CUX1: variants seen among roughly 807,000 people sequenced by gnomAD.
CUX1 encodes the protein protein CASP.
A neutral mutation model predicts 158.8 loss-of-function variants in CUX1; 31 were observed. The ratio of observed to expected loss-of-function variants is 0.20; its 90% CI spans 0.15 to 0.26. The LOEUF (loss-of-function observed/expected upper bound fraction) is 0.26. Ranked by LOEUF, CUX1 falls within the 10% of genes least tolerant of loss-of-function variation. The pLI, the probability that CUX1 is intolerant of heterozygous loss-of-function variation, is 1.00. For synonymous variants in CUX1, 879 were observed against 862.1 expected (o/e 1.02, Z -0.34); for missense variants, 1,589 against 2,014.6 (o/e 0.79, Z 4.04).
intron 1 of CUX1, among the ~76,000 whole-genome samples, chr7:101,883,383 G>A (rs1249797043): frequency 6.6e-6 from 1 of 152,100 alleles, no homozygotes; most frequent in South Asian, 2.1e-4. Flanking sequence ...GCTTGCCTGA[G>A]ATTTTCATCA....
At chr7:102,224,818 C>G (rs565408957) in intron 20 of CUX1, among the ~76,000 whole-genome samples, 1 of 152,256 alleles carries the variant, frequency 6.6e-6, no homozygotes, top group African/African-American at 2.4e-5. Context: ...CCACAGCAGC[C>G]GGCACCACAC....
chr7:101,950,018 G>T (rs1291205608), intron 2 of CUX1, among the ~76,000 whole-genome samples: 1 of 151,750 alleles, frequency 6.6e-6, no homozygotes, highest in Non-Finnish European at 1.5e-5. Context: ...AGTACAAGCT[G>T]CTTCTTTGAG....
intron 17 of CUX1, chr7:102,277,931 T>TTGCGG: frequency 1.3e-6 from 1 of 756,992 alleles, no homozygotes; most frequent in Non-Finnish European, 2.0e-6. Context: ...ACCCCTTTCC[T>TTGCGG]TGCCCCTCCC....
At chr7:101,873,163 G>A (rs1027692455) in intron 1 of CUX1, among the ~76,000 whole-genome samples, 22 of 148,498 alleles carry the variant, frequency 1.5e-4, no homozygotes, top group Middle Eastern at 3.7e-3. Context: ...GAGCCACCGC[G>A]CCTGGCCTCA....
At chr7:102,106,876 C>G (rs147181265) in intron 6 of CUX1, among the ~76,000 whole-genome samples, 154 of 152,280 alleles carry the variant, frequency 1.0e-3, no homozygotes, top group Non-Finnish European at 1.8e-3. Flanking sequence ...CTTTGGGGCT[C>G]GCCTGCCCTG....
In CUX1 at chr7:101,996,930, G is replaced by A. The variant is rs558663164; in HGVS notation, c.142-31168G>A. ...ACAGTGGCCTTTGTTAGGAAATTCCGGCACAGTCTCCTCACAGGGCAGCCC... is the reference window on the plus strand; with the variant it reads ...ACAGTGGCCTTTGTTAGGAAATTCCAGCACAGTCTCCTCACAGGGCAGCCC... On this transcript the variant is annotated intron_variant, in intron 2 of 23. Coordinates refer to ENST00000292535, the MANE Select transcript of CUX1 (RefSeq NM_181552.4). 4.0e-5 allele frequency among the ~76,000 whole-genome samples: 6 copies of A among 151,564 alleles called. No individual in the cohort carries two copies. The East Asian group carries it at 7.7e-4, about 20-fold the overall frequency.
intron 11 of CUX1, among the ~76,000 whole-genome samples, 176 bp downstream of exon 11, chr7:102,178,833 A>G (rs61170107): frequency 0.12 from 18,491 of 152,120 alleles, 2,230 homozygotes; most frequent in African/African-American, 0.31. Flanking sequence ...ACTGGATGTT[A>G]AACCCTGGCA....
intron 2 of CUX1, among the ~76,000 whole-genome samples, chr7:101,925,411 A>T (rs62463738): frequency 6.6e-6 from 1 of 152,078 alleles, no homozygotes. Flanking sequence ...GTGCCTGGCC[A>T]AAAGTAGATT....
intron 2 of CUX1, among the ~76,000 whole-genome samples, chr7:101,963,628 G>A (rs978612351): frequency 3.3e-5 from 5 of 152,064 alleles, no homozygotes; most frequent in African/African-American, 1.2e-4. Context: ...CAATTACTTA[G>A]TACCTGTCAA....
intron 8 of CUX1, among the ~76,000 whole-genome samples, chr7:102,147,067 A>C (rs1481977819): frequency 6.6e-6 from 1 of 152,126 alleles, no homozygotes; most frequent in Admixed American, 6.6e-5. Context: ...CTATTTCCAG[A>C]AGGTTATCTG....
chr7:102,199,991 A>C, intron 16 of CUX1, 80 bp from the exon 17 acceptor site: 1 of 1,239,556 alleles, frequency 8.1e-7, no homozygotes, highest in Non-Finnish European at 1.1e-6. Context: ...GGGGCTATAT[A>C]TCAGAATGAC....
rs1181478863 is a variant in CUX1, at chr7:102,174,277, C to G, written c.828+3727C>G. Among the ~76,000 whole-genome samples, 15 of 152,288 alleles carry G rather than the reference C, an allele frequency of 9.8e-5. No individual in the cohort carries two copies. The East Asian group carries it at 2.9e-3, about 30-fold the overall frequency. Reference sequence around the variant, plus strand: ...GGGATTACAGGTGTGCGCCACCATACCTGGCTAGTTTTTGTATTTTTGCTA... The same window carrying G: ...GGGATTACAGGTGTGCGCCACCATAGCTGGCTAGTTTTTGTATTTTTGCTA... On this transcript the variant is annotated intron_variant, in intron 10 of 23. Coordinates refer to ENST00000292535, the MANE Select transcript of CUX1 (RefSeq NM_181552.4).
At chr7:101,924,090 T>G (rs1805300080) in intron 2 of CUX1, among the ~76,000 whole-genome samples, 1 of 152,138 alleles carries the variant, frequency 6.6e-6, no homozygotes, top group Admixed American at 6.5e-5. Flanking sequence ...TCCCTCCTTT[T>G]TATTGATCAG....
chr7:102,003,828 C>T (rs1195051193), intron 2 of CUX1, among the ~76,000 whole-genome samples: 1 of 152,166 alleles, frequency 6.6e-6, no homozygotes, highest in Non-Finnish European at 1.5e-5. Context: ...TCCTTGAATA[C>T]TCATAGTCCG....
chr7:102,270,093 C>A (rs113512065), intron 14 of CUX1, among the ~76,000 whole-genome samples: 3 of 152,248 alleles, frequency 2.0e-5, no homozygotes, highest in Non-Finnish European at 4.4e-5. Flanking sequence ...GAGCCCTGTA[C>A]TCCAGAGGTT....
At chr7:101,918,376 C>T (rs567558288) in intron 2 of CUX1, among the ~76,000 whole-genome samples, 3 of 152,352 alleles carry the variant, frequency 2.0e-5, no homozygotes, top group Admixed American at 6.5e-5. Context: ...CTTGGGGAGG[C>T]GGCAGCCTGG....
In CUX1 at chr7:102,256,599, TGA is replaced by T. The variant is rs1554542118; in HGVS notation, c.*7561_*7562del. ...GTCTCTATGTGTCTAACTTTTTAAA[TGA>T]GAGTGTTTATGAACAAAAAAATTTA... On this transcript the variant is annotated 3_prime_UTR_variant, in exon 24 of 24. Transcript: ENST00000292535. 1.0e-6 allele frequency: 1 copy of T among 983,854 alleles called. No homozygotes were observed. Among genetic ancestry groups the T allele is most frequent in the African/African-American group, 1.7e-5 (1 of 57,170 alleles). The allele number at this position is 983,854 out of a possible 1,614,324, so 60.9% of individuals were successfully genotyped here. A position where few individuals can be genotyped will look rare whatever the true frequency, so the allele number is the denominator to read the frequency against.
chr7:101,824,078 A>C (rs774334212), intron 1 of CUX1, among the ~76,000 whole-genome samples: 16 of 152,180 alleles, frequency 1.1e-4, no homozygotes, highest in Non-Finnish European at 1.9e-4. Flanking sequence ...AGACAGAACG[A>C]ATATCAACTC....
At position 102,080,930 on chromosome 7, in the gene CUX1, C is replaced by G. The variant is rs376758093; in HGVS notation, c.268+10513C>G. 3.9e-5 allele frequency among the ~76,000 whole-genome samples: 6 copies of G among 152,212 alleles called. No homozygotes were observed. In the East Asian group the frequency reaches 7.7e-4, roughly 20 times the overall value. On this transcript the variant is annotated intron_variant, in intron 4 of 23. Coordinates refer to ENST00000292535, the MANE Select transcript of CUX1 (RefSeq NM_181552.4). ...CCCCGACCTTAGATCCCACTGCGCACGCCAGATATGCTGTTTCATTCCTTC... is the reference window on the plus strand; with the variant it reads ...CCCCGACCTTAGATCCCACTGCGCAGGCCAGATATGCTGTTTCATTCCTTC...
Sources: gnomAD v4.1 joint callset for allele counts (sites outside exome capture counted in the v4.1 genomes callset) on GRCh38, gnomAD v4.1.1 for gene constraint, MANE v1.5 for transcripts, NCBI Gene and HGNC (gene_info 2026-07-23, HGNC 2026-07-21) for gene names.